Variants in PHRF1 observed in about 807,000 individuals in gnomAD.
PHRF1 encodes PHD and ring finger domains 1, also known as PHD and RING finger domain-containing protein 1.
A neutral mutation model predicts 128.9 loss-of-function variants in PHRF1; 53 were observed. The observed-to-expected ratio is 0.41, with a 90% CI of 0.33 to 0.52. PHRF1 has a LOEUF of 0.52. Ranked by LOEUF, PHRF1 falls within the 20% of genes least tolerant of loss-of-function variation. The pLI is 0.21. For missense variants in PHRF1, 2,503 were observed against 2,284.5 expected (o/e 1.10, Z -1.95); for synonymous variants, 1,178 against 980.6 (o/e 1.20, Z -3.76).
At chr11:610,099 T>TG (rs1212175419) in intron 14 of PHRF1, 97 bp from the exon 15 acceptor site, 1 of 1,421,696 alleles carries the variant, frequency 7.0e-7, no homozygotes, top group Non-Finnish European at 9.3e-7. Context: ...CTGTGGTCCT[T>TG]GCTCCTGGTG....
At position 607,494 on chromosome 11, in the gene PHRF1, C is replaced by T; in HGVS notation, c.2038C>T (p.Pro680Ser). 1 of 1,612,854 alleles carries T rather than the reference C, an allele frequency of 6.2e-7. No homozygotes were observed. Among genetic ancestry groups the T allele is most frequent in the Non-Finnish European group, 8.5e-7 (1 of 1,179,894 alleles). ...APRRTDISEL[P>S]RIPKIRRDDG... is the part of the protein sequence containing the mutation. ...CAGAAGAACAGACATCTCTGAGCTA[C>T]CCAGGATACCAAAGATCAGGAGAGA... Residue 680 changes from proline (P) to serine (S), a missense_variant, in exon 14 of 18, where the codon CCC (proline) becomes TCC (serine). Pro to Ser is a moderately conservative substitution (Grantham distance 74, BLOSUM62 -1). Coordinates refer to ENST00000264555, the MANE Select transcript of PHRF1 (RefSeq NM_001286581.2).
At position 608,976 on chromosome 11, in the gene PHRF1, G is replaced by A; in HGVS notation, c.3520G>A (p.Glu1174Lys). The change falls in exon 14 of 18, where the codon GAG becomes AAG. Residue 1174 changes from glutamate to lysine, a missense_variant. Coordinates refer to ENST00000264555, the MANE Select transcript of PHRF1 (RefSeq NM_001286581.2). ...RSPSSEHRAR[E>K]HRRPRSREKW... ...CCCAAGCTCGGAGCACAGGGCACGG[G>A]AGCACAGGCGGCCTCGGTCCCGTGA... 1.2e-6 allele frequency: 2 copies of A among 1,609,144 alleles called. No homozygotes were observed. The highest frequency in any genetic ancestry group is 1.7e-5 in the Admixed American group (1 of 59,340).
intron 5 of PHRF1, among the ~76,000 whole-genome samples, chr11:592,318 C>T (rs770916967): frequency 6.6e-6 from 1 of 152,106 alleles, no homozygotes; most frequent in Non-Finnish European, 1.5e-5. Flanking sequence ...AGGGCTTACC[C>T]GCTCCTTTCC....
In PHRF1 at chr11:609,503, G is replaced by C; in HGVS notation, c.4047G>C (p.Pro1349=). The change falls in exon 14 of 18, where the codon CCG becomes CCC. Residue 1349 remains proline, a synonymous_variant. Transcript: ENST00000264555. ...EGTQEPHLLR[P]DAAEKAEAPS... ...CCCAGGAGCCACATTTGCTCAGGCCGGACGCGGCTGAGAAGGCTGAGGCAC... is the reference window on the plus strand; with the variant it reads ...CCCAGGAGCCACATTTGCTCAGGCCCGACGCGGCTGAGAAGGCTGAGGCAC... 6.2e-7 allele frequency: 1 copy of C among 1,603,074 alleles called. No homozygotes were observed. Among genetic ancestry groups the C allele is most frequent in the Non-Finnish European group, 8.5e-7 (1 of 1,178,186 alleles).
At chr11:592,750 T>C (rs868730344) in intron 6 of PHRF1, 76 bp downstream of exon 6, 40 of 1,484,532 alleles carry the variant, frequency 2.7e-5, no homozygotes, top group Non-Finnish European at 3.3e-5. Flanking sequence ...ATGCAGAGCC[T>C]CTTCGCTCTG....
At chr11:596,571 A>C (rs1855290004) in intron 6 of PHRF1, among the ~76,000 whole-genome samples, 1 of 152,190 alleles carries the variant, frequency 6.6e-6, no homozygotes. Flanking sequence ...CGTAAACCGC[A>C]GGTCTTCCTT....
chr11:598,793 C>T (rs113525489), intron 9 of PHRF1, among the ~76,000 whole-genome samples: 1,542 of 152,318 alleles, frequency 0.01, 26 homozygotes, highest in African/African-American at 0.035. Context: ...TGGAAGCAGT[C>T]TTGTTATTTT....
At chr11:596,850 G>T (rs1855308275) in intron 6 of PHRF1, 73 bp from the exon 7 acceptor site, 1 of 1,359,324 alleles carries the variant, frequency 7.4e-7, no homozygotes, top group Non-Finnish European at 1.1e-6. Context: ...CTGCTTTGTG[G>T]TCCCCTCACT....
chr11:592,350 G>A (rs1855022410), intron 5 of PHRF1, among the ~76,000 whole-genome samples: 1 of 151,856 alleles, frequency 6.6e-6, no homozygotes, highest in Non-Finnish European at 1.5e-5. Flanking sequence ...TTTGTTTTCT[G>A]TTGAATACTT....
At position 608,699 on chromosome 11, in the gene PHRF1, C is replaced by G. The variant is rs1384639719; in HGVS notation, c.3243C>G (p.Pro1081=). 6.2e-7 allele frequency: 1 copy of G among 1,610,914 alleles called. No homozygotes were observed. The highest frequency in any genetic ancestry group is 1.7e-5 in the Admixed American group (1 of 59,812). ...KDKSREHRRG[P]WGHSRRTSRS... ...AGAGCAGGGAGCACAGGCGGGGCCCCTGGGGCCACAGCCGGAGGACGTCCC... is the reference window on the plus strand; with the variant it reads ...AGAGCAGGGAGCACAGGCGGGGCCCGTGGGGCCACAGCCGGAGGACGTCCC... Residue 1081 remains proline (P), a synonymous_variant, in exon 14 of 18, where the codon CCC becomes CCG. Transcript: ENST00000264555.
chr11:610,490 G>T lies in PHRF1; in HGVS notation c.4417-11G>T. On this transcript the variant is annotated splice_polypyrimidine_tract_variant and intron_variant, in intron 15 of 17. Coordinates refer to ENST00000264555, the MANE Select transcript of PHRF1 (RefSeq NM_001286581.2). ...GTAGGGCCCAGTGCTCAGCAGGGGTGTCCCTCCCAGGTTTACAGCCCCGGC... is the reference window on the plus strand; with the variant it reads ...GTAGGGCCCAGTGCTCAGCAGGGGTTTCCCTCCCAGGTTTACAGCCCCGGC... 6.3e-7 allele frequency: 1 copy of T among 1,599,826 alleles called. No homozygotes were observed.
chr11:581,424 A>T, intron 1 of PHRF1, 68 bp from the exon 2 acceptor site: 1 of 1,405,228 alleles, frequency 7.1e-7, no homozygotes, highest in Non-Finnish European at 9.9e-7. Context: ...GGGAGAGGTC[A>T]TAACTCTTCA....
At chr11:610,131 A>G in intron 14 of PHRF1, 65 bp from the exon 15 acceptor site, 1 of 1,445,510 alleles carries the variant, frequency 6.9e-7, no homozygotes, top group Non-Finnish European at 9.1e-7. Flanking sequence ...TTTTCCAGCC[A>G]TGAAACAGCA....
Position 611,664 on chromosome 11 carries a change from C to A in PHRF1, c.4837C>A (p.Pro1613Thr), listed in dbSNP as rs768868271. The change falls in exon 18 of 18, where the codon CCC (proline) becomes ACC (threonine). Residue 1613 changes from proline to threonine, a missense_variant. Pro to Thr is a conservative substitution (Grantham distance 38, BLOSUM62 -1). Coordinates refer to ENST00000264555, the MANE Select transcript of PHRF1 (RefSeq NM_001286581.2). ...CCACAGCAAGAGTGGAGAGATCAAC[C>A]CCGTGAAGGTGGCCAACCTGGTGAA... is the stretch of plus-strand genomic sequence containing the variant. ...ICHSKSGEIN[P>T]VKVANLVKAY... 1.5e-5 allele frequency: 24 copies of A among 1,613,176 alleles called. No individual in the cohort carries two copies. In the South Asian group the frequency reaches 2.1e-4, roughly 14 times the overall value.
chr11:582,207 G>A (rs1161729492), intron 3 of PHRF1, 126 bp downstream of exon 3: 36 of 1,404,086 alleles, frequency 2.6e-5, no homozygotes, highest in Non-Finnish European at 3.1e-5. Context: ...GGTCACCTAC[G>A]GTGAGGCCTT....
intron 15 of PHRF1, 29 bp from the exon 16 acceptor site, chr11:610,472 C>T (rs779224187): frequency 6.3e-7 from 1 of 1,590,472 alleles, no homozygotes. Context: ...GCTGTAGGGC[C>T]CAGTGCTCAG....
intron 9 of PHRF1, among the ~76,000 whole-genome samples, 155 bp downstream of exon 9, chr11:598,657 G>A (rs1855447899): frequency 6.6e-6 from 1 of 152,214 alleles, no homozygotes; most frequent in Non-Finnish European, 1.5e-5. Context: ...GCCGCGCCGG[G>A]CCCGGGAGGT....
chr11:578,556 G>GC (rs1260683670), intron 1 of PHRF1, among the ~76,000 whole-genome samples: 1 of 152,136 alleles, frequency 6.6e-6, no homozygotes, highest in East Asian at 1.9e-4. Context: ...ATTGCCTGTC[G>GC]CCCCACCTAA....
Position 608,421 on chromosome 11 carries a change from C to A in PHRF1, c.2965C>A (p.Pro989Thr). 5.0e-6 allele frequency: 8 copies of A among 1,611,434 alleles called. No homozygotes were observed. The highest frequency in any genetic ancestry group is 6.8e-6 in the Non-Finnish European group (8 of 1,179,508). ...AATHRVVELR[P>T]PSRSRSTSSS... is the part of the protein sequence containing the mutation. Reference sequence around the variant, plus strand: ...CACCCACAGAGTCGTGGAGCTCAGGCCCCCTTCCCGGTCCCGCTCCACATC... The same window carrying A: ...CACCCACAGAGTCGTGGAGCTCAGGACCCCTTCCCGGTCCCGCTCCACATC... The change falls in exon 14 of 18, where the codon CCC becomes ACC. Residue 989 changes from proline (P) to threonine (T), a missense_variant. Pro to Thr is a conservative substitution (Grantham distance 38). Transcript: ENST00000264555.
Sources: gnomAD v4.1 joint callset for allele counts (sites outside exome capture counted in the v4.1 genomes callset) on GRCh38, gnomAD v4.1.1 for gene constraint, MANE v1.5 for transcripts, NCBI Gene and HGNC (gene_info 2026-07-23, HGNC 2026-07-21) for gene names.